MAP3K5: variants seen among roughly 807,000 people sequenced by gnomAD.
The protein encoded by MAP3K5 is mitogen-activated protein kinase kinase kinase 5.
In MAP3K5, 56 loss-of-function variants were observed where a neutral mutation model predicts 158.7. The ratio of observed to expected loss-of-function variants is 0.35; its 90% CI spans 0.28 to 0.44. The LOEUF is 0.44. Ranked by LOEUF, MAP3K5 falls within the 20% of genes least tolerant of loss-of-function variation. The probability of loss-of-function intolerance (pLI) is 1.00; values close to 1 mark genes in which losing one functional copy is unlikely to be tolerated. For synonymous variants in MAP3K5, 579 were observed against 601.7 expected, an observed-to-expected ratio of 0.96 and a Z score of 0.55; for missense variants, 1,294 against 1,674.8, an observed-to-expected ratio of 0.77 and a Z score of 3.97.
intron 3 of MAP3K5, among the ~76,000 whole-genome samples, chr6:136,704,423 A>G (rs2114703240): frequency 6.6e-6 from 1 of 152,362 alleles, no homozygotes; most frequent in Admixed American, 6.5e-5. Context: ...GAATGCTGCC[A>G]TGGAAACATA....
chr6:136,763,149 T>C lies in MAP3K5; in HGVS notation c.448+28561A>G, dbSNP rs571067204. 2.6e-5 allele frequency among the ~76,000 whole-genome samples: 4 copies of C among 152,284 alleles called. No individual in the cohort carries two copies. The South Asian group carries it at 8.3e-4, about 32-fold the overall frequency. ...CTGGGACCACAGGTGCACGCCACCA[T>C]GCCCAGCTAATTTTTTCATTTTTTT... On this transcript the variant is annotated intron_variant, in intron 1 of 29. Coordinates refer to ENST00000359015, the MANE Select transcript of MAP3K5 (RefSeq NM_005923.4).
intron 10 of MAP3K5, among the ~76,000 whole-genome samples, chr6:136,652,994 T>C (rs1778586624): frequency 6.6e-6 from 1 of 152,234 alleles, no homozygotes; most frequent in African/African-American, 2.4e-5. Context: ...TTTTAGTTCC[T>C]TGTTTTTAGG....
At chr6:136,623,127 A>G in intron 14 of MAP3K5, 146 bp from the exon 15 acceptor site, 1 of 688,100 alleles carries the variant, frequency 1.5e-6, no homozygotes, top group Non-Finnish European at 2.5e-6. Context: ...TCAAGGATGA[A>G]CAAATAAATG....
intron 7 of MAP3K5, among the ~76,000 whole-genome samples, chr6:136,681,720 T>C (rs546839707): frequency 6.6e-6 from 1 of 152,198 alleles, no homozygotes; most frequent in African/African-American, 2.4e-5. Context: ...ATCGAGGCCA[T>C]CCTGGCTAAC....
At chr6:136,782,666 C>A (rs1310679681) in intron 1 of MAP3K5, among the ~76,000 whole-genome samples, 2 of 152,148 alleles carry the variant, frequency 1.3e-5, no homozygotes, top group African/African-American at 4.8e-5. Flanking sequence ...TTTTCTGTTA[C>A]CCTGTGCAAC....
At chr6:136,641,603 A>C (rs541104445) in intron 12 of MAP3K5, among the ~76,000 whole-genome samples, 1 of 152,026 alleles carries the variant, frequency 6.6e-6, no homozygotes, top group Admixed American at 6.6e-5. Context: ...ACTGAAGTTC[A>C]CCACTGTAAT....
At chr6:136,644,795 G>T (rs988927843) in intron 11 of MAP3K5, among the ~76,000 whole-genome samples, 1 of 152,188 alleles carries the variant, frequency 6.6e-6, no homozygotes, top group Non-Finnish European at 1.5e-5. Flanking sequence ...TGGTATAAAG[G>T]AGAGGGCTTG....
intron 24 of MAP3K5, among the ~76,000 whole-genome samples, chr6:136,580,615 T>C (rs1004090341): frequency 2.6e-5 from 4 of 152,190 alleles, no homozygotes; most frequent in African/African-American, 9.7e-5. Flanking sequence ...AAATAAGTTA[T>C]TTAAGTGAAA....
chr6:136,627,715 C>T (rs1207296045), intron 14 of MAP3K5, among the ~76,000 whole-genome samples: 1 of 152,196 alleles, frequency 6.6e-6, no homozygotes, highest in Non-Finnish European at 1.5e-5. Context: ...CCTCACCAGA[C>T]ACTGAATCTG....
At position 136,592,319 on chromosome 6, in the gene MAP3K5, C is replaced by T. The variant is rs1775423280; in HGVS notation, c.3079G>A (p.Asp1027Asn). The change falls in exon 23 of 30, where the codon GAT (aspartate) becomes AAT (asparagine). Residue 1027 changes from aspartate (D) to asparagine (N), a missense_variant. Physicochemically the swap from Asp to Asn is conservative, Grantham distance 23 (BLOSUM62 1). Around this residue, in one of 5 missense-constraint regions of MAP3K5, gnomAD observed 362 missense variants for 463.2 expected, o/e 0.78. Coordinates refer to ENST00000359015, the MANE Select transcript of MAP3K5 (RefSeq NM_005923.4). ...TCAGGGGAAGGAGGAGCACTGTGAT[C>T]TTCAAAATTCTCATCTGGAATGCTG... is the stretch of plus-strand genomic sequence containing the variant. ...FLGIPDENFE[D>N]HSAPPSPEEK... is the part of the protein sequence containing the mutation. 2 of 1,593,716 alleles carry T rather than the reference C, an allele frequency of 1.3e-6. No individual in the cohort carries two copies. The highest frequency in any genetic ancestry group is 1.7e-6 in the Non-Finnish European group (2 of 1,171,094).
At chr6:136,724,142 T>C (rs186676291) in intron 1 of MAP3K5, among the ~76,000 whole-genome samples, 1 of 151,588 alleles carries the variant, frequency 6.6e-6, no homozygotes, top group East Asian at 1.9e-4. Context: ...TAAGTTAAAG[T>C]AATGAAAGGA....
At position 136,619,527 on chromosome 6, in the gene MAP3K5, C is replaced by A. The variant is rs116250656; in HGVS notation, c.2150+3321G>T. On this transcript the variant is annotated intron_variant, in intron 15 of 29. Coordinates refer to ENST00000359015, the MANE Select transcript of MAP3K5 (RefSeq NM_005923.4). Reference sequence around the variant, plus strand: ...CTGGTTCCCACACATGCACAACCTCCCCCCTTATCAACATTCCCCACCAGA... The same window carrying A: ...CTGGTTCCCACACATGCACAACCTCACCCCTTATCAACATTCCCCACCAGA... 5.2e-3 allele frequency among the ~76,000 whole-genome samples: 790 copies of A among 152,266 alleles called. 7 individuals are homozygous for A. Among genetic ancestry groups the A allele is most frequent in the African/African-American group, 0.018 (757 of 41,542 alleles).
intron 1 of MAP3K5, among the ~76,000 whole-genome samples, chr6:136,757,582 T>TA (rs34537453): frequency 0.37 from 48,735 of 131,244 alleles, 8,562 homozygotes; most frequent in Non-Finnish European, 0.4. Flanking sequence ...TTTATTTATT[T>TA]TTTATTTTTT....
intron 11 of MAP3K5, among the ~76,000 whole-genome samples, chr6:136,644,728 G>T (rs1778163063): frequency 6.6e-6 from 1 of 152,176 alleles, no homozygotes; most frequent in African/African-American, 2.4e-5. Context: ...ATTGGCCACG[G>T]TAAGTCCATT....
At chr6:136,749,787 G>A (rs1783119181) in intron 1 of MAP3K5, among the ~76,000 whole-genome samples, 1 of 152,150 alleles carries the variant, frequency 6.6e-6, no homozygotes, top group South Asian at 2.1e-4. Context: ...CTGAGGGCCA[G>A]GATGAATAAG....
chr6:136,574,639 G>A (rs945362201), intron 25 of MAP3K5, among the ~76,000 whole-genome samples: 1 of 146,520 alleles, frequency 6.8e-6, no homozygotes, highest in Non-Finnish European at 1.5e-5. Context: ...GACTTGTACT[G>A]TACTCTCTGT....
intron 1 of MAP3K5, among the ~76,000 whole-genome samples, chr6:136,788,830 A>T (rs1784950336): frequency 6.6e-6 from 1 of 152,234 alleles, no homozygotes; most frequent in South Asian, 2.1e-4. Flanking sequence ...GCCACCGTGG[A>T]AAGTAATTTG....
At chr6:136,560,710 G>A (rs1020505435) in intron 28 of MAP3K5, among the ~76,000 whole-genome samples, 2 of 152,066 alleles carry the variant, frequency 1.3e-5, no homozygotes, top group African/African-American at 4.8e-5. Context: ...TACTCTGAGA[G>A]GCTGAGGTGA....
chr6:136,557,613 G>GT lies in MAP3K5; in HGVS notation c.*144dup, dbSNP rs34705939. ...TAGGAAATTTCAGTGTGTTTTGTCTGTTTTTTTTTTTTTTAACATGAGTAA... is the reference window on the plus strand; with the variant it reads ...TAGGAAATTTCAGTGTGTTTTGTCTGTTTTTTTTTTTTTTTAACATGAGTAA... On this transcript the variant is annotated 3_prime_UTR_variant, in exon 30 of 30. Coordinates refer to ENST00000359015, the MANE Select transcript of MAP3K5 (RefSeq NM_005923.4). The GT allele has an allele frequency of 0.12, 54,380 of 465,290 alleles. 338 individuals carry two copies. The highest frequency in any genetic ancestry group is 0.14 in the African/African-American group (6,860 of 47,450). The allele number at this position is 465,290 out of a possible 1,614,324, so 28.8% of individuals were successfully genotyped here. A position where few individuals can be genotyped will look rare whatever the true frequency, so the allele number is the denominator to read the frequency against.
Sources: gnomAD v4.1 joint callset for allele counts (sites outside exome capture counted in the v4.1 genomes callset) on GRCh38, gnomAD v4.1.1 for gene constraint, gnomAD v4.1.1 regional missense constraint, MANE v1.5 for transcripts, NCBI Gene and HGNC (gene_info 2026-07-23, HGNC 2026-07-21) for gene names.